Variants in GSE1 observed in about 807,000 individuals in gnomAD.
GSE1 encodes the protein Gse1 coiled-coil protein.
GSE1 carries 32 observed loss-of-function variants against 112.6 expected under a neutral mutation model. The ratio of observed to expected loss-of-function variants is 0.28; its 90% CI spans 0.21 to 0.38. The LOEUF (loss-of-function observed/expected upper bound fraction) is 0.38, where lower values mean the gene tolerates loss of function less well. GSE1 is among the 10% of genes least tolerant of loss of function. The pLI is 1.00. For missense variants in GSE1, 2,348 were observed against 1,699.2 expected (o/e 1.38, Z -6.71); for synonymous variants, 1,115 against 735.6 (o/e 1.52, Z -8.35).
intron 2 of GSE1, among the ~76,000 whole-genome samples, chr16:85,361,149 C>A (rs2047067310): frequency 7.2e-6 from 1 of 138,886 alleles, no homozygotes; most frequent in African/African-American, 2.7e-5. Context: ...CACACAAACA[C>A]ACAGACACAC....
At chr16:85,301,227 C>T (rs2045514975) in intron 1 of GSE1, among the ~76,000 whole-genome samples, 1 of 152,224 alleles carries the variant, frequency 6.6e-6, no homozygotes, top group Non-Finnish European at 1.5e-5. Context: ...AGCCCGTGTT[C>T]CATTTTATGA....
intron 1 of GSE1, among the ~76,000 whole-genome samples, chr16:85,588,284 C>T (rs1056490539): frequency 1.8e-4 from 28 of 152,358 alleles, no homozygotes; most frequent in African/African-American, 6.0e-4. Context: ...CCAGCCTGGC[C>T]GCTCTTGAGG....
intron 1 of GSE1, among the ~76,000 whole-genome samples, chr16:85,291,278 C>G (rs1261708203): frequency 6.6e-6 from 1 of 152,174 alleles, no homozygotes; most frequent in African/African-American, 2.4e-5. Context: ...GCCAGGCGTC[C>G]CTCCTCACCC....
At chr16:85,182,479 C>T (rs1311599455) in intron 1 of GSE1, among the ~76,000 whole-genome samples, 1 of 152,214 alleles carries the variant, frequency 6.6e-6, no homozygotes, top group African/African-American at 2.4e-5. Flanking sequence ...TTCTCCCATG[C>T]CTCAACCTCT....
At chr16:85,182,146 GCCCTCCCCCACCCTC>G (rs1413811395) in intron 1 of GSE1, among the ~76,000 whole-genome samples, 2 of 152,180 alleles carry the variant, frequency 1.3e-5, no homozygotes, top group Non-Finnish European at 2.9e-5. Context: ...CTCCTGGGAA[GCCCTCCCCCACCCTC>G]CCCGCCCCCC....
intron 2 of GSE1, among the ~76,000 whole-genome samples, chr16:85,374,529 T>TGC: frequency 5.0e-5 from 1 of 19,914 alleles, no homozygotes; most frequent in Non-Finnish European, 9.3e-4. Context: ...TGTGTGCGTG[T>TGC]GTGTGTGTGT....
chr16:85,179,748 A>T (rs192917022), intron 1 of GSE1, among the ~76,000 whole-genome samples: 32 of 152,232 alleles, frequency 2.1e-4, no homozygotes, highest in African/African-American at 7.7e-4. Flanking sequence ...TCTCCCTGGG[A>T]TGAGGGGAGC....
intron 1 of GSE1, among the ~76,000 whole-genome samples, chr16:85,308,331 AC>A (rs1435297545): frequency 6.6e-6 from 1 of 152,148 alleles, no homozygotes; most frequent in East Asian, 1.9e-4. Context: ...CGCTGAGGGA[AC>A]CTTTTGGGAC....
chr16:85,629,389 C>T (rs1010693457), intron 1 of GSE1, among the ~76,000 whole-genome samples: 7 of 152,194 alleles, frequency 4.6e-5, no homozygotes, highest in African/African-American at 1.7e-4. Flanking sequence ...CAGGGCGGGT[C>T]ACCTGGAGGT....
At chr16:85,350,164 A>G (rs1164385523) in intron 1 of GSE1, among the ~76,000 whole-genome samples, 1 of 152,194 alleles carries the variant, frequency 6.6e-6, no homozygotes. Context: ...ACTCGGGACA[A>G]GTAAGGCAGG....
intron 1 of GSE1, among the ~76,000 whole-genome samples, chr16:85,628,780 CT>C (rs1478105945): frequency 3.3e-5 from 5 of 152,226 alleles, no homozygotes; most frequent in Non-Finnish European, 7.3e-5. Flanking sequence ...AGACATAGCT[CT>C]TCTCGTTGCC....
intron 1 of GSE1, among the ~76,000 whole-genome samples, chr16:85,336,082 T>C (rs1016649276): frequency 4.6e-5 from 7 of 152,110 alleles, no homozygotes; most frequent in Non-Finnish European, 8.8e-5. Context: ...AGGCTGCCCC[T>C]GCCCCGGGTT....
intron 1 of GSE1, among the ~76,000 whole-genome samples, chr16:85,184,424 A>G (rs1229872444): frequency 2.0e-5 from 3 of 152,202 alleles, no homozygotes; most frequent in Non-Finnish European, 4.4e-5. Flanking sequence ...GGAGAGAGAA[A>G]TTTCTAACCT....
intron 1 of GSE1, among the ~76,000 whole-genome samples, chr16:85,568,545 G>A (rs1276953800): frequency 6.6e-6 from 1 of 152,222 alleles, no homozygotes; most frequent in Non-Finnish European, 1.5e-5. Flanking sequence ...AAATGAAAGT[G>A]TGGAACTGGA....
At chr16:85,264,419 A>G (rs1435137437) in intron 1 of GSE1, among the ~76,000 whole-genome samples, 1 of 151,500 alleles carries the variant, frequency 6.6e-6, no homozygotes, top group African/African-American at 2.4e-5. Flanking sequence ...CCACGCCTCA[A>G]CTCCGGGGAG....
intron 1 of GSE1, among the ~76,000 whole-genome samples, chr16:85,342,476 T>C (rs986005711): frequency 8.5e-5 from 13 of 152,124 alleles, no homozygotes; most frequent in African/African-American, 3.1e-4. Flanking sequence ...GTCACGCTCA[T>C]CTGCGGTGGC....
At chr16:85,178,406 C>T (rs1014598786) in intron 1 of GSE1, among the ~76,000 whole-genome samples, 8 of 151,936 alleles carry the variant, frequency 5.3e-5, no homozygotes, top group African/African-American at 4.8e-5. Flanking sequence ...GCATTCCCGG[C>T]GGTGTTTGGA....
intron 1 of GSE1, among the ~76,000 whole-genome samples, chr16:85,585,199 A>G (rs919534839): frequency 3.9e-5 from 6 of 152,218 alleles, no homozygotes; most frequent in Non-Finnish European, 8.8e-5. Context: ...GCTGGCCTGC[A>G]GGAACCCCTG....
intron 1 of GSE1, among the ~76,000 whole-genome samples, chr16:85,189,260 C>G (rs1483718403): frequency 3.3e-5 from 5 of 152,210 alleles, no homozygotes; most frequent in Non-Finnish European, 7.3e-5. Flanking sequence ...TGATAATAAC[C>G]TAGCACTTTA....
Sources: gnomAD v4.1 joint callset for allele counts (sites outside exome capture counted in the v4.1 genomes callset) on GRCh38, gnomAD v4.1.1 for gene constraint, MANE v1.5 for transcripts, NCBI Gene and HGNC (gene_info 2026-07-23, HGNC 2026-07-21) for gene names.